The following MYRIP variants were observed in gnomAD, a reference collection of about 807,000 sequenced individuals.
MYRIP encodes rab effector MyRIP.
In MYRIP, 49 loss-of-function variants were observed where a neutral mutation model predicts 98.0. That is an observed-to-expected ratio of 0.50 (90% confidence interval 0.40 to 0.63). The LOEUF is 0.63. MYRIP is among the 30% of genes least tolerant of loss of function. The pLI is 0.00. For missense variants in MYRIP, 1,004 were observed against 1,058.2 expected, an observed-to-expected ratio of 0.95 and a Z score of 0.71; for synonymous variants, 404 against 409.5, an observed-to-expected ratio of 0.99 and a Z score of 0.16.
Position 40,229,544 on chromosome 3 carries a change from T to C in MYRIP, c.1906-4315T>C, listed in dbSNP as rs9817155. Among the ~76,000 whole-genome samples the C allele has an allele frequency of 5.5e-3, 831 of 152,270 alleles. 4 individuals carry two copies. Among genetic ancestry groups the C allele is most frequent in the African/African-American group, 0.019 (784 of 41,522 alleles). Reference sequence around the variant, plus strand: ...GGCTGGGAGCCTGTCTTCACGGAGGTTGACAGTAGTTTCGCTACCTCATTA... The same window carrying C: ...GGCTGGGAGCCTGTCTTCACGGAGGCTGACAGTAGTTTCGCTACCTCATTA... On this transcript the variant is annotated intron_variant, in intron 11 of 16. Coordinates refer to ENST00000302541, the MANE Select transcript of MYRIP (RefSeq NM_015460.4).
At chr3:39,985,830 T>C (rs9820275) in intron 2 of MYRIP, among the ~76,000 whole-genome samples, 5,569 of 151,788 alleles carry the variant, frequency 0.037, 347 homozygotes, top group African/African-American at 0.13. Context: ...AAGACTTAAA[T>C]GTTAGACCTA....
At chr3:39,842,754 C>CCG (rs1941842670) in intron 1 of MYRIP, among the ~76,000 whole-genome samples, 1 of 128,024 alleles carries the variant, frequency 7.8e-6, no homozygotes, top group Middle Eastern at 3.7e-3. Flanking sequence ...GAGGTGATTA[C>CCG]CCCCCCTGCT....
At chr3:40,047,760 T>C (rs774411855) in intron 3 of MYRIP, among the ~76,000 whole-genome samples, 1 of 152,200 alleles carries the variant, frequency 6.6e-6, no homozygotes, top group African/African-American at 2.4e-5. Context: ...CAGAGAAGTA[T>C]GTCTTTCAAA....
chr3:40,128,691 A>G (rs920628720), intron 3 of MYRIP, among the ~76,000 whole-genome samples: 6 of 152,218 alleles, frequency 3.9e-5, no homozygotes, highest in African/African-American at 1.2e-4. Context: ...AATTATTGCC[A>G]TTGGGTACAT....
In MYRIP at chr3:39,986,254, A is replaced by G. The variant is rs147622269; in HGVS notation, c.111-57796A>G. The stretch of plus-strand genomic sequence containing the variant: ...ATTAGAGTCAGAGCACATGTCCCCA[A>G]AGGGCCAGCCTCATTCTGGTTACAC... On this transcript the variant is annotated intron_variant, in intron 2 of 16. Coordinates refer to ENST00000302541, the MANE Select transcript of MYRIP (RefSeq NM_015460.4). Among the ~76,000 whole-genome samples the G allele has an allele frequency of 1.4e-4, 21 of 152,250 alleles. 1 individual carries two copies. Among genetic ancestry groups the G allele is most frequent in the African/African-American group, 5.1e-4 (21 of 41,558 alleles).
intron 1 of MYRIP, among the ~76,000 whole-genome samples, chr3:39,887,754 G>A (rs540875530): frequency 1.3e-5 from 2 of 152,252 alleles, no homozygotes; most frequent in East Asian, 3.9e-4. Flanking sequence ...GTTTGCAGAT[G>A]ACATGATTGT....
At position 40,218,122 on chromosome 3, in the gene MYRIP, A is replaced by G. The variant is rs995410389; in HGVS notation, c.1905+8029A>G. Among the ~76,000 whole-genome samples the G allele has an allele frequency of 5.3e-5, 8 of 152,226 alleles. No individual in the cohort carries two copies. In the East Asian group the frequency reaches 1.5e-3, roughly 29 times the overall value. ...ACATACACTTGGCATATAACCCAAC[A>G]ATTCTACTCCTAAGTATTTATTTCT... is the stretch of plus-strand genomic sequence containing the variant. On this transcript the variant is annotated intron_variant, in intron 11 of 16. Coordinates refer to ENST00000302541, the MANE Select transcript of MYRIP (RefSeq NM_015460.4).
intron 2 of MYRIP, among the ~76,000 whole-genome samples, chr3:40,026,150 G>A (rs1409463138): frequency 6.6e-6 from 1 of 152,004 alleles, no homozygotes; most frequent in African/African-American, 2.4e-5. Context: ...CTCCCCCCAG[G>A]AATGCAATTC....
chr3:39,949,817 G>C (rs749334344), intron 2 of MYRIP, among the ~76,000 whole-genome samples: 4 of 152,140 alleles, frequency 2.6e-5, no homozygotes, highest in Non-Finnish European at 5.9e-5. Flanking sequence ...CAAAGCACCT[G>C]TGTGCTCTTT....
chr3:39,890,437 T>A (rs1943454255), intron 1 of MYRIP, among the ~76,000 whole-genome samples: 1 of 152,136 alleles, frequency 6.6e-6, no homozygotes. Context: ...TTGGTCACTC[T>A]TTCCAGTGTT....
rs568336170 is a variant in MYRIP at position 39,876,886 on chromosome 3, C to A, written c.-30-23901C>A. ...TGTATTTCCTGAATCTGAATGTTGG[C>A]CTGCCTTGCTAGATTGGGGAAGTTC... On this transcript the variant is annotated intron_variant, in intron 1 of 16. Transcript: ENST00000302541. Among the ~76,000 whole-genome samples the A allele has an allele frequency of 8.7e-3, 1,325 of 152,110 alleles. 6 individuals are homozygous for A. Among genetic ancestry groups the A allele is most frequent in the African/African-American group, 0.031 (1,270 of 41,426 alleles).
chr3:39,933,350 A>G (rs1944583920), intron 2 of MYRIP, among the ~76,000 whole-genome samples: 1 of 152,234 alleles, frequency 6.6e-6, no homozygotes, highest in African/African-American at 2.4e-5. Flanking sequence ...TTACTATCTG[A>G]AATTGTACAG....
chr3:40,112,945 G>A (rs547254029), intron 3 of MYRIP, among the ~76,000 whole-genome samples: 34 of 152,186 alleles, frequency 2.2e-4, no homozygotes, highest in African/African-American at 7.5e-4. Flanking sequence ...CCTTTCTCTC[G>A]AGCCTGATCT....
chr3:39,974,924 C>G (rs1191907370), intron 2 of MYRIP, among the ~76,000 whole-genome samples: 5 of 152,094 alleles, frequency 3.3e-5, no homozygotes, highest in Admixed American at 6.5e-5. Context: ...TATGACAAAC[C>G]CACAGTCAAT....
intron 3 of MYRIP, among the ~76,000 whole-genome samples, chr3:40,045,490 A>T (rs1374395533): frequency 6.6e-6 from 1 of 152,330 alleles, no homozygotes; most frequent in South Asian, 2.1e-4. Flanking sequence ...AACTGGGATT[A>T]TAGATGAGCG....
At chr3:39,887,520 A>G (rs573048558) in intron 1 of MYRIP, among the ~76,000 whole-genome samples, 27 of 152,286 alleles carry the variant, frequency 1.8e-4, no homozygotes, top group Non-Finnish European at 3.1e-4. Context: ...TATTGATGGG[A>G]CGTATTTCAA....
intron 1 of MYRIP, among the ~76,000 whole-genome samples, chr3:39,873,770 T>C (rs1202941779): frequency 1.7e-4 from 25 of 144,542 alleles, no homozygotes; most frequent in South Asian, 4.4e-4. Context: ...AGTCAGGTAG[T>C]GTGATGCCTC....
chr3:40,253,460 T>C (rs1278409300), intron 16 of MYRIP, among the ~76,000 whole-genome samples: 1 of 152,208 alleles, frequency 6.6e-6, no homozygotes, highest in Non-Finnish European at 1.5e-5. Flanking sequence ...GAAAACCCTA[T>C]GGAGCTTTAA....
At chr3:40,144,691 A>G (rs189643810) in intron 3 of MYRIP, among the ~76,000 whole-genome samples, 1 of 152,358 alleles carries the variant, frequency 6.6e-6, no homozygotes. Flanking sequence ...TCTAGAAGCA[A>G]GGCTTTCTGT....
Sources: allele counts gnomAD v4.1 joint callset (sites outside exome capture counted in the v4.1 genomes callset), GRCh38; gene constraint gnomAD v4.1.1; transcripts MANE v1.5; gene names NCBI Gene and HGNC (gene_info 2026-07-23, HGNC 2026-07-21).